Variants in CHLSN observed in about 807,000 individuals in gnomAD.
CHLSN encodes protein cholesin.
At chr7:1,133,585 C>T in the CHLSN span, among the ~76,000 whole-genome samples, 1 of 148,208 alleles carries the variant, frequency 6.7e-6, no homozygotes, top group African/African-American at 2.6e-5. Flanking sequence ...CCTGTCTCTA[C>T]TAAAAATACA....
chr7:1,131,309 G>GGT, the CHLSN span, among the ~76,000 whole-genome samples: 2 of 152,120 alleles, frequency 1.3e-5, no homozygotes, highest in African/African-American at 2.4e-5. Context: ...CTAGGGCCCA[G>GGT]GTGTGGTCTA....
the CHLSN span, chr7:1,055,196 T>C: frequency 2.1e-6 from 1 of 468,232 alleles, no homozygotes; most frequent in South Asian, 1.6e-5. Flanking sequence ...CCCTCGTTTC[T>C]GGAACCCGGC....
chr7:1,002,962 T>C, the CHLSN span, among the ~76,000 whole-genome samples: 1 of 79,678 alleles, frequency 1.3e-5, no homozygotes. Flanking sequence ...GTCCTGTGGG[T>C]GAGTGGAGTC....
the CHLSN span, among the ~76,000 whole-genome samples, chr7:1,053,835 A>G: frequency 1.3e-5 from 2 of 152,102 alleles, no homozygotes; most frequent in African/African-American, 4.8e-5. Flanking sequence ...TCAAAAAAAC[A>G]AAAACAAAAC....
At chr7:986,628 TCAA>T in the CHLSN span, 2 of 1,612,610 alleles carry the variant, frequency 1.2e-6, no homozygotes, top group Non-Finnish European at 1.7e-6. Flanking sequence ...GCCCAGCTGT[TCAA>T]CGTCTACCCA....
the CHLSN span, among the ~76,000 whole-genome samples, chr7:1,009,667 C>T: frequency 6.6e-6 from 1 of 152,188 alleles, no homozygotes; most frequent in South Asian, 2.1e-4. Context: ...CCTGTGGTGA[C>T]GTACACCTGG....
the CHLSN span, among the ~76,000 whole-genome samples, chr7:1,072,871 A>G: frequency 2.0e-5 from 3 of 151,800 alleles, no homozygotes; most frequent in East Asian, 3.9e-4. Flanking sequence ...TTTAGTAGAG[A>G]TGGGATTTCA....
the CHLSN span, among the ~76,000 whole-genome samples, chr7:1,008,956 C>T: frequency 0.03 from 4,558 of 151,926 alleles, 89 homozygotes; most frequent in African/African-American, 0.044. Context: ...CCCCCTCATG[C>T]GAACACACAT....
chr7:1,028,068 G>A, the CHLSN span, among the ~76,000 whole-genome samples: 7 of 151,888 alleles, frequency 4.6e-5, no homozygotes, highest in Admixed American at 1.3e-4. Flanking sequence ...GGACCGGCGC[G>A]CAGCGGAGCC....
At chr7:1,121,640 G>A in the CHLSN span, among the ~76,000 whole-genome samples, 8 of 152,374 alleles carry the variant, frequency 5.3e-5, no homozygotes, top group East Asian at 5.8e-4. Context: ...TGTGCCCCGC[G>A]TTCTGGCTGT....
the CHLSN span, among the ~76,000 whole-genome samples, chr7:1,136,473 A>AATATATAAAC: frequency 4.6e-5 from 5 of 109,724 alleles, no homozygotes; most frequent in Non-Finnish European, 8.2e-5. Flanking sequence ...AACATATATA[A>AATATATAAAC]ATATATAAAC....
chr7:1,000,012 A>G, the CHLSN span, among the ~76,000 whole-genome samples: 1 of 152,216 alleles, frequency 6.6e-6, no homozygotes, highest in South Asian at 2.1e-4. Context: ...CACGTCATGC[A>G]CACACGCACG....
At chr7:1,107,841 G>A in the CHLSN span, among the ~76,000 whole-genome samples, 3 of 148,912 alleles carry the variant, frequency 2.0e-5, no homozygotes, top group African/African-American at 7.5e-5. Flanking sequence ...CTGGAGACCC[G>A]CACCCCGGGA....
the CHLSN span, chr7:983,164 G>A: frequency 9.1e-6 from 13 of 1,428,398 alleles, no homozygotes; most frequent in African/African-American, 1.4e-5. Flanking sequence ...AAGGGTGCGG[G>A]GGGGACGGGG....
At chr7:1,052,550 A>G in the CHLSN span, among the ~76,000 whole-genome samples, 1 of 151,902 alleles carries the variant, frequency 6.6e-6, no homozygotes, top group Non-Finnish European at 1.5e-5. The surrounding 1 kb of genome is among the most constrained non-coding windows in gnomAD (Gnocchi z 4.2). Flanking sequence ...GCCAGGAAGG[A>G]GCAGCTGCCA....
chr7:1,014,101 C>T, the CHLSN span, among the ~76,000 whole-genome samples: 1 of 152,210 alleles, frequency 6.6e-6, no homozygotes, highest in South Asian at 2.1e-4. Context: ...GGCACTCGTG[C>T]AGTCAAACAT....
the CHLSN span, among the ~76,000 whole-genome samples, chr7:1,053,442 G>A: frequency 6.6e-6 from 1 of 152,356 alleles, no homozygotes; most frequent in East Asian, 1.9e-4. Context: ...AGTCTCCTGT[G>A]ACCAGGAGAG....
chr7:1,092,684 T>C, the CHLSN span: 1 of 1,613,354 alleles, frequency 6.2e-7, no homozygotes, highest in East Asian at 2.2e-5. Flanking sequence ...AACAGCTGCC[T>C]AAACCCCCTC....
At chr7:1,083,582 C>T in the CHLSN span, among the ~76,000 whole-genome samples, 4 of 151,582 alleles carry the variant, frequency 2.6e-5, no homozygotes, top group Middle Eastern at 3.4e-3. Context: ...GAGTGGAGTT[C>T]GCACCACTGC....
Sources: allele counts gnomAD v4.1 joint callset (sites outside exome capture counted in the v4.1 genomes callset), GRCh38; gene constraint gnomAD v4.1.1; non-coding constraint Gnocchi (gnomAD v3.1); transcripts MANE v1.5; gene names NCBI Gene and HGNC (gene_info 2026-07-23, HGNC 2026-07-21).